The following NELL1 variants were observed in gnomAD, a reference collection of about 807,000 sequenced individuals.
NELL1 encodes protein kinase C-binding protein NELL1.
NELL1 carries 76 observed loss-of-function variants against 107.4 expected under a neutral mutation model. That is an observed-to-expected ratio of 0.71 (90% CI 0.59 to 0.86). NELL1 has a LOEUF of 0.86. Among genes scored for constraint, NELL1 ranks in the 40% least tolerant of loss-of-function variants. The pLI is 0.00. For synonymous variants in NELL1, 353 were observed against 341.2 expected, an observed-to-expected ratio of 1.03 and a Z score of -0.38; for missense variants, 1,024 against 1,005.5, an observed-to-expected ratio of 1.02 and a Z score of -0.25.
At chr11:21,309,050 T>C (rs1399017098) in intron 14 of NELL1, among the ~76,000 whole-genome samples, 2 of 151,726 alleles carry the variant, frequency 1.3e-5, no homozygotes, top group Non-Finnish European at 2.9e-5. Flanking sequence ...TTTAGACATT[T>C]AGCATATGCT....
chr11:21,084,025 C>A (rs1396074032), intron 12 of NELL1, among the ~76,000 whole-genome samples: 1 of 152,090 alleles, frequency 6.6e-6, no homozygotes, highest in African/African-American at 2.4e-5. Flanking sequence ...CTTGGCACTA[C>A]CCCAGGGAGC....
At chr11:21,515,481 T>C (rs1470211564) in intron 15 of NELL1, among the ~76,000 whole-genome samples, 1 of 152,114 alleles carries the variant, frequency 6.6e-6, no homozygotes, top group African/African-American at 2.4e-5. Flanking sequence ...AGTACCTGAA[T>C]ACCTAGCATA....
chr11:20,933,162 G>A (rs953917054), intron 9 of NELL1, among the ~76,000 whole-genome samples: 5 of 152,228 alleles, frequency 3.3e-5, no homozygotes, highest in Admixed American at 2.6e-4. Context: ...GGTGGTGGGG[G>A]ATATGGGACT....
intron 3 of NELL1, among the ~76,000 whole-genome samples, chr11:20,841,537 G>A (rs1354851097): frequency 6.6e-6 from 1 of 152,120 alleles, no homozygotes; most frequent in Non-Finnish European, 1.5e-5. Flanking sequence ...AGAATGAAAC[G>A]AATTGACCAA....
In NELL1 at chr11:20,783,671, G is replaced by C; in HGVS notation, c.185-9G>C. The C allele has an allele frequency of 1.2e-6, 2 of 1,604,058 alleles. No homozygotes were observed. Among genetic ancestry groups the C allele is most frequent in the Non-Finnish European group, 1.7e-6 (2 of 1,174,822 alleles). On this transcript the variant is annotated splice_polypyrimidine_tract_variant and intron_variant, in intron 2 of 19. Transcript: ENST00000357134. ...CCTGTTTCCTCCTGCTTTTCTTCTT[G>C]ATTCCTAGACATAGAAAGAGAGATC...
chr11:21,326,082 G>T (rs7949281), intron 14 of NELL1, among the ~76,000 whole-genome samples: 22,227 of 36,900 alleles, frequency 0.6, 5,969 homozygotes, highest in African/African-American at 0.63. Flanking sequence ...TTTTTTTTTT[G>T]GGCTATTTTG....
At chr11:21,217,340 T>G (rs1004408850) in intron 13 of NELL1, among the ~76,000 whole-genome samples, 5 of 152,006 alleles carry the variant, frequency 3.3e-5, no homozygotes, top group African/African-American at 4.8e-5. Flanking sequence ...AAGGGTACAT[T>G]GGGGGAAGCT....
At chr11:21,503,538 A>G (rs1855203822) in intron 15 of NELL1, among the ~76,000 whole-genome samples, 10 of 152,176 alleles carry the variant, frequency 6.6e-5, no homozygotes, top group Admixed American at 6.6e-4. Context: ...CATCTTTGAA[A>G]TGGTAATACT....
At chr11:20,857,218 C>A (rs1022449534) in intron 4 of NELL1, among the ~76,000 whole-genome samples, 3 of 152,118 alleles carry the variant, frequency 2.0e-5, no homozygotes, top group African/African-American at 7.2e-5. Flanking sequence ...GCTGCAGAAC[C>A]AGAGCAGGCA....
At chr11:20,875,236 T>G (rs1168097287) in intron 4 of NELL1, among the ~76,000 whole-genome samples, 1 of 152,216 alleles carries the variant, frequency 6.6e-6, no homozygotes, top group Non-Finnish European at 1.5e-5. Context: ...ATTCTGTTTT[T>G]AAGCAGCATA....
At chr11:21,200,812 A>G (rs1263206430) in intron 13 of NELL1, among the ~76,000 whole-genome samples, 2 of 152,178 alleles carry the variant, frequency 1.3e-5, no homozygotes, top group African/African-American at 4.8e-5. Flanking sequence ...ATGTTTGTAT[A>G]AGGTGTAAGG....
At chr11:21,178,627 T>G (rs1856759704) in intron 13 of NELL1, among the ~76,000 whole-genome samples, 1 of 151,168 alleles carries the variant, frequency 6.6e-6, no homozygotes, top group Non-Finnish European at 1.5e-5. Context: ...ATTAGCTAGG[T>G]ATGACTTCTG....
intron 2 of NELL1, among the ~76,000 whole-genome samples, chr11:20,690,261 T>C (rs1248292282): frequency 6.6e-6 from 1 of 151,748 alleles, no homozygotes; most frequent in East Asian, 1.9e-4. Context: ...TAGTTTCTTT[T>C]GCTGTGCAGA....
In NELL1 at chr11:20,923,661, A is replaced by G. The variant is rs561780761; in HGVS notation, c.760-3647A>G. Among the ~76,000 whole-genome samples, 110 of 152,208 alleles carry G rather than the reference A, an allele frequency of 7.2e-4. 1 individual carries two copies. The highest frequency in any genetic ancestry group is 1.4e-3 in the Non-Finnish European group (92 of 68,042). On this transcript the variant is annotated intron_variant, in intron 7 of 19. Coordinates refer to ENST00000357134, the MANE Select transcript of NELL1 (RefSeq NM_006157.5). The stretch of plus-strand genomic sequence containing the variant: ...TCCCATTCTGACTTCAATCTCAGAA[A>G]GAAGAGATACTGAAGACTGGGACTT...
At chr11:21,453,218 C>T (rs1357968809) in intron 15 of NELL1, among the ~76,000 whole-genome samples, 8 of 152,028 alleles carry the variant, frequency 5.3e-5, no homozygotes, top group Non-Finnish European at 1.2e-4. Flanking sequence ...TTAAAATATC[C>T]TACTATAATT....
intron 3 of NELL1, among the ~76,000 whole-genome samples, chr11:20,800,805 G>T (rs1857266660): frequency 6.6e-6 from 1 of 152,224 alleles, no homozygotes; most frequent in African/African-American, 2.4e-5. Flanking sequence ...ACTGCAAAGA[G>T]ATGGGGCTGA....
intron 3 of NELL1, among the ~76,000 whole-genome samples, chr11:20,827,395 G>A (rs1401599971): frequency 2.6e-5 from 4 of 151,248 alleles, no homozygotes; most frequent in East Asian, 3.9e-4. Context: ...TCTCATTGAC[G>A]GTTTTAGCTA....
chr11:21,062,370 T>A (rs1945316), intron 12 of NELL1, among the ~76,000 whole-genome samples: 1 of 152,210 alleles, frequency 6.6e-6, no homozygotes, highest in Non-Finnish European at 1.5e-5. Flanking sequence ...TATATTTCTT[T>A]TGAGTAGTGC....
At chr11:20,827,195 C>T (rs897153749) in intron 3 of NELL1, among the ~76,000 whole-genome samples, 8 of 151,166 alleles carry the variant, frequency 5.3e-5, no homozygotes, top group Non-Finnish European at 1.2e-4. Context: ...ATTCCATGGA[C>T]CCCCTTATAC....
Sources: gnomAD v4.1 joint callset for allele counts (sites outside exome capture counted in the v4.1 genomes callset) on GRCh38, gnomAD v4.1.1 for gene constraint, MANE v1.5 for transcripts, NCBI Gene and HGNC (gene_info 2026-07-23, HGNC 2026-07-21) for gene names.